The following CTNND2 variants were observed in gnomAD, a reference collection of about 807,000 sequenced individuals.
CTNND2 encodes the protein catenin delta 2, also known as catenin delta-2.
In CTNND2, 22 loss-of-function variants were observed where a neutral mutation model predicts 144.4. That is an observed-to-expected ratio of 0.15 (90% CI 0.11 to 0.22). CTNND2 has a LOEUF of 0.22. Ranked by LOEUF, CTNND2 falls within the 10% of genes least tolerant of loss-of-function variation. The probability of loss-of-function intolerance (pLI) is 1.00; values close to 1 mark genes in which losing one functional copy is unlikely to be tolerated. For synonymous variants in CTNND2, 751 were observed against 695.6 expected (o/e 1.08, Z -1.25); for missense variants, 1,353 against 1,618.8 (o/e 0.84, Z 2.82).
chr5:11,796,805 A>G (rs1351378326), intron 1 of CTNND2, among the ~76,000 whole-genome samples: 2 of 152,250 alleles, frequency 1.3e-5, no homozygotes, highest in African/African-American at 4.8e-5. Context: ...TTTATAACAA[A>G]ACAGTAGGAA....
chr5:11,061,849 T>C (rs1747021909), intron 16 of CTNND2, among the ~76,000 whole-genome samples: 1 of 152,004 alleles, frequency 6.6e-6, no homozygotes, highest in Non-Finnish European at 1.5e-5. Context: ...GCTGGGACTA[T>C]GGGCACCCAC....
intron 3 of CTNND2, among the ~76,000 whole-genome samples, chr5:11,550,513 C>A (rs896091439): frequency 1.3e-5 from 2 of 152,188 alleles, no homozygotes; most frequent in Admixed American, 1.3e-4. Context: ...TTGGACAGAT[C>A]TTTTCAATAA....
chr5:11,145,634 C>T (rs1400395920), intron 12 of CTNND2, among the ~76,000 whole-genome samples: 2 of 152,148 alleles, frequency 1.3e-5, no homozygotes, highest in Non-Finnish European at 2.9e-5. Flanking sequence ...CAGCTCCACC[C>T]TCTTCTCCTC....
chr5:11,111,908 G>A (rs1406834667), intron 13 of CTNND2, among the ~76,000 whole-genome samples: 3 of 150,720 alleles, frequency 2.0e-5, no homozygotes, highest in East Asian at 3.9e-4. Context: ...GTGCAGTGGC[G>A]CGATCTCGGC....
chr5:11,278,714 A>G (rs1277996606), intron 9 of CTNND2, among the ~76,000 whole-genome samples: 1 of 152,190 alleles, frequency 6.6e-6, no homozygotes, highest in African/African-American at 2.4e-5. Context: ...CAAAGCCTTG[A>G]GTCTGGATGA....
At chr5:11,053,026 A>C (rs1165394409) in intron 16 of CTNND2, among the ~76,000 whole-genome samples, 1 of 152,178 alleles carries the variant, frequency 6.6e-6, no homozygotes, top group Non-Finnish European at 1.5e-5. Context: ...TCTCTTAAAG[A>C]TATGACTTAA....
intron 9 of CTNND2, among the ~76,000 whole-genome samples, chr5:11,287,667 G>A (rs967014211): frequency 4.6e-5 from 7 of 152,306 alleles, no homozygotes; most frequent in Admixed American, 3.9e-4. Flanking sequence ...ACTATAAAGG[G>A]ATGATTTGAA....
intron 2 of CTNND2, among the ~76,000 whole-genome samples, chr5:11,611,674 A>G (rs1780333375): frequency 6.6e-6 from 1 of 152,172 alleles, no homozygotes. Context: ...GCTTCTTGGG[A>G]GGCTGAGGCA....
chr5:11,850,427 A>AGT (rs1794959330), intron 1 of CTNND2, among the ~76,000 whole-genome samples: 1 of 152,224 alleles, frequency 6.6e-6, no homozygotes, highest in African/African-American at 2.4e-5. Flanking sequence ...TGATATAGAA[A>AGT]GTATGGACTT....
chr5:11,024,996 A>T, intron 16 of CTNND2, among the ~76,000 whole-genome samples: 1 of 152,204 alleles, frequency 6.6e-6, no homozygotes, highest in Non-Finnish European at 1.5e-5. Flanking sequence ...AAAGACCAGG[A>T]GTCACTGTTA....
At chr5:11,225,450 A>G (rs1740225739) in intron 10 of CTNND2, among the ~76,000 whole-genome samples, 1 of 152,074 alleles carries the variant, frequency 6.6e-6, no homozygotes, top group South Asian at 2.1e-4. Flanking sequence ...GGTTGACACT[A>G]CCCAGTGAAT....
At chr5:11,028,068 C>T (rs1324266542) in intron 16 of CTNND2, among the ~76,000 whole-genome samples, 1 of 152,220 alleles carries the variant, frequency 6.6e-6, no homozygotes, top group Non-Finnish European at 1.5e-5. Context: ...CAGCAGACAA[C>T]AGGGAAGTCA....
At chr5:10,979,952 T>C (rs180732527) in intron 21 of CTNND2, among the ~76,000 whole-genome samples, 2 of 152,282 alleles carry the variant, frequency 1.3e-5, no homozygotes, top group Non-Finnish European at 2.9e-5. Context: ...ATAGGAATCA[T>C]AGAAGAAAAC....
intron 1 of CTNND2, among the ~76,000 whole-genome samples, chr5:11,819,890 TCTCTTCTTGCAAGGTGGTATG>T (rs1793221469): frequency 6.6e-6 from 1 of 152,268 alleles, no homozygotes; most frequent in South Asian, 2.1e-4. Flanking sequence ...TGTTAGTGAT[TCTCTTCTTGCAAGGTGGTATG>T]CTAAGCAAGC....
intron 2 of CTNND2, among the ~76,000 whole-genome samples, chr5:11,616,613 CCTT>C (rs1252100585): frequency 7.3e-5 from 11 of 150,310 alleles, no homozygotes; most frequent in Admixed American, 4.6e-4. Flanking sequence ...CTCCTTCCTT[CCTT>C]CTTTTTTTTT....
At chr5:11,594,522 A>G (rs547432608) in intron 2 of CTNND2, among the ~76,000 whole-genome samples, 1 of 152,336 alleles carries the variant, frequency 6.6e-6, no homozygotes, top group African/African-American at 2.4e-5. Flanking sequence ...ATTGTTGCCA[A>G]TTTCCTTTTT....
chr5:11,258,640 T>C (rs964778221), intron 9 of CTNND2, among the ~76,000 whole-genome samples: 3 of 152,202 alleles, frequency 2.0e-5, no homozygotes, highest in East Asian at 1.9e-4. Flanking sequence ...TTTTTTTCAA[T>C]GTGGCAGGTT....
At chr5:11,066,938 A>G (rs1305672514) in intron 16 of CTNND2, among the ~76,000 whole-genome samples, 1 of 152,204 alleles carries the variant, frequency 6.6e-6, no homozygotes, top group Non-Finnish European at 1.5e-5. Context: ...AGCAAGACCA[A>G]AGGTTTGATC....
chr5:11,487,534 T>A (rs1036844554), intron 3 of CTNND2, among the ~76,000 whole-genome samples: 3 of 152,124 alleles, frequency 2.0e-5, no homozygotes, highest in African/African-American at 7.2e-5. Flanking sequence ...TGCACAGAGA[T>A]CCATGAAGGT....
Sources: gnomAD v4.1 joint callset for allele counts (sites outside exome capture counted in the v4.1 genomes callset) on GRCh38, gnomAD v4.1.1 for gene constraint, MANE v1.5 for transcripts, NCBI Gene and HGNC (gene_info 2026-07-23, HGNC 2026-07-21) for gene names.